Variants in BCAS3 observed in about 807,000 individuals in gnomAD.
BCAS3 encodes BCAS3 microtubule associated cell migration factor.
In BCAS3, 53 loss-of-function variants were observed where a neutral mutation model predicts 116.1. The observed-to-expected ratio is 0.46, with a 90% CI of 0.37 to 0.57. BCAS3 has a LOEUF of 0.57. Among genes scored for constraint, BCAS3 ranks in the 20% least tolerant of loss-of-function variants. The pLI is 0.00. For missense variants in BCAS3, 917 were observed against 1,165.4 expected, an observed-to-expected ratio of 0.79 and a Z score of 3.10; for synonymous variants, 391 against 408.2, an observed-to-expected ratio of 0.96 and a Z score of 0.51.
chr17:61,316,471 G>A lies in BCAS3; in HGVS notation c.2426-51856G>A, dbSNP rs577737151. On this transcript the variant is annotated intron_variant, in intron 22 of 23. Coordinates refer to ENST00000407086, the MANE Select transcript of BCAS3 (RefSeq NM_017679.5). The surrounding 1 kb of genome is among the most constrained non-coding windows in gnomAD (Gnocchi z 5.8). The stretch of plus-strand genomic sequence containing the variant: ...GGTACTGGTCCCTGAGATGTCCCCG[G>A]ACATGCCCCTCACCCAGCACCTCTG... Among the ~76,000 whole-genome samples, 2 of 152,170 alleles carry A rather than the reference G, an allele frequency of 1.3e-5. No individual in the cohort carries two copies. The highest frequency in any genetic ancestry group is 1.3e-4 in the Admixed American group (2 of 15,290).
In BCAS3 at chr17:61,134,721, C is replaced by T. The variant is rs2076527362; in HGVS notation, c.2425+50157C>T. On this transcript the variant is annotated intron_variant, in intron 22 of 23. Coordinates refer to ENST00000407086, the MANE Select transcript of BCAS3 (RefSeq NM_017679.5). The surrounding 1 kb of genome is among the most constrained non-coding windows in gnomAD (Gnocchi z 4.6). ...TATATTTACAAACACCTCATTTAACCTTCAAAACAATCCTTTTTGACATCA... is the reference window on the plus strand; with the variant it reads ...TATATTTACAAACACCTCATTTAACTTTCAAAACAATCCTTTTTGACATCA... Among the ~76,000 whole-genome samples, 1 of 152,122 alleles carries T rather than the reference C, an allele frequency of 6.6e-6. No individual in the cohort carries two copies. Among genetic ancestry groups the T allele is most frequent in the African/African-American group, 2.4e-5 (1 of 41,440 alleles).
chr17:60,736,117 T>C (rs963518941), intron 5 of BCAS3, among the ~76,000 whole-genome samples: 1 of 152,130 alleles, frequency 6.6e-6, no homozygotes, highest in Non-Finnish European at 1.5e-5. Context: ...AGCTCACTGT[T>C]AACCTCAAAC....
intron 14 of BCAS3, among the ~76,000 whole-genome samples, chr17:60,979,248 T>C (rs1205820517): frequency 6.7e-6 from 1 of 150,356 alleles, no homozygotes; most frequent in Non-Finnish European, 1.5e-5. Context: ...CCTAGGTATT[T>C]TATTCTCTTT....
chr17:60,760,719 T>A (rs958596009), intron 6 of BCAS3, among the ~76,000 whole-genome samples: 15 of 152,130 alleles, frequency 9.9e-5, no homozygotes, highest in Admixed American at 9.2e-4. Context: ...TGGGGATTTT[T>A]GGACCTCTTA....
Position 61,241,386 on chromosome 17 carries a change from T to C in BCAS3, c.2426-126941T>C, listed in dbSNP as rs1157057643. Among the ~76,000 whole-genome samples the C allele has an allele frequency of 6.6e-6, 1 of 151,956 alleles. No individual in the cohort carries two copies. The highest frequency in any genetic ancestry group is 1.5e-5 in the Non-Finnish European group (1 of 68,008). ...CTTAGCCAACTGTTTATGCTAATGA[T>C]GAAAGAGAAGTCAAAGTAAATAAGC... On this transcript the variant is annotated intron_variant, in intron 22 of 23. Transcript: ENST00000407086. The surrounding 1 kb of genome is among the most constrained non-coding windows in gnomAD (Gnocchi z 4.6).
intron 22 of BCAS3, among the ~76,000 whole-genome samples, chr17:61,289,432 C>A (rs1353240886): frequency 6.6e-6 from 1 of 152,202 alleles, no homozygotes; most frequent in Non-Finnish European, 1.5e-5. Flanking sequence ...CCACTCTGTC[C>A]TCTGAGAGCA....
intron 14 of BCAS3, among the ~76,000 whole-genome samples, chr17:60,987,904 T>C (rs1041618636): frequency 1.3e-5 from 2 of 152,136 alleles, no homozygotes; most frequent in Non-Finnish European, 2.9e-5. Context: ...TCTTGTTCCA[T>C]ATCTTGGCAG....
intron 22 of BCAS3, among the ~76,000 whole-genome samples, chr17:61,090,679 A>G (rs756613997): frequency 2.5e-4 from 38 of 151,766 alleles, no homozygotes; most frequent in Non-Finnish European, 5.2e-4. Context: ...TTTTTTTGAG[A>G]TGGAGTCTCA....
Position 61,012,211 on chromosome 17 carries a change from C to T in BCAS3, c.1487-3540C>T, listed in dbSNP as rs932949661. 2.6e-5 allele frequency among the ~76,000 whole-genome samples: 4 copies of T among 151,966 alleles called. No homozygotes were observed. Among genetic ancestry groups the T allele is most frequent in the Non-Finnish European group, 5.9e-5 (4 of 67,960 alleles). On this transcript the variant is annotated intron_variant, in intron 15 of 23. Coordinates refer to ENST00000407086, the MANE Select transcript of BCAS3 (RefSeq NM_017679.5). The surrounding 1 kb of genome is among the most constrained non-coding windows in gnomAD (Gnocchi z 4.5). ...TACATTATGAACTCTTTGAAAGTCCCTTGGACTTACTCCTTCAGAATCTAG... is the reference window on the plus strand; with the variant it reads ...TACATTATGAACTCTTTGAAAGTCCTTTGGACTTACTCCTTCAGAATCTAG...
intron 11 of BCAS3, among the ~76,000 whole-genome samples, chr17:60,908,899 A>G (rs993796811): frequency 6.6e-6 from 1 of 152,066 alleles, no homozygotes; most frequent in African/African-American, 2.4e-5. Context: ...TGTGTTTTGT[A>G]TTCATTAACT....
intron 7 of BCAS3, among the ~76,000 whole-genome samples, chr17:60,862,380 T>C (rs576553836): frequency 3.9e-5 from 6 of 152,244 alleles, no homozygotes; most frequent in African/African-American, 1.4e-4. Flanking sequence ...TTCAGTAGGA[T>C]TGGTAGCAGC....
intron 22 of BCAS3, among the ~76,000 whole-genome samples, chr17:61,172,127 T>C (rs2078871715): frequency 6.6e-6 from 1 of 152,334 alleles, no homozygotes; most frequent in South Asian, 2.1e-4. Context: ...TAGAACTACA[T>C]GTAGAATTGG....
chr17:61,291,542 C>T (rs894676998), intron 22 of BCAS3, among the ~76,000 whole-genome samples: 7 of 152,054 alleles, frequency 4.6e-5, no homozygotes, highest in Admixed American at 2.0e-4. Context: ...TCATATTTGC[C>T]GGGAAAAAAA....
chr17:61,085,299 T>G (rs2072996804), intron 22 of BCAS3, among the ~76,000 whole-genome samples: 1 of 152,202 alleles, frequency 6.6e-6, no homozygotes, highest in African/African-American at 2.4e-5. Context: ...GGCAGGATTT[T>G]GTCCAAAAAT....
chr17:61,173,794 T>A (rs1454001722), intron 22 of BCAS3, among the ~76,000 whole-genome samples: 1 of 152,016 alleles, frequency 6.6e-6, no homozygotes, highest in South Asian at 2.1e-4. Flanking sequence ...AGATGGGGGA[T>A]GACTTGAGCC....
At position 61,372,390 on chromosome 17, in the gene BCAS3, C is replaced by G. The variant is rs553842103; in HGVS notation, c.2593+3896C>G. Among the ~76,000 whole-genome samples the G allele has an allele frequency of 9.2e-5, 14 of 152,336 alleles. No homozygotes were observed. In the South Asian group the frequency reaches 2.9e-3, roughly 32 times the overall value. ...GGCCCTGGTCTCTTCTCTCTCAGTA[C>G]CTGGCAATCTCTGCTTCCGTGTCTC... On this transcript the variant is annotated intron_variant, in intron 23 of 23. Transcript: ENST00000407086.
At chr17:60,921,103 G>A (rs910324813) in intron 12 of BCAS3, among the ~76,000 whole-genome samples, 2 of 152,040 alleles carry the variant, frequency 1.3e-5, no homozygotes, top group African/African-American at 2.4e-5. Flanking sequence ...CTACCAAAAA[G>A]AGACATGTAT....
At chr17:61,284,983 C>A (rs2051610229) in intron 22 of BCAS3, among the ~76,000 whole-genome samples, 1 of 152,192 alleles carries the variant, frequency 6.6e-6, no homozygotes. Flanking sequence ...CATCAAGGTT[C>A]TCTCCTGGTT....
At position 61,325,198 on chromosome 17, in the gene BCAS3, G is replaced by C. The variant is rs1000461811; in HGVS notation, c.2426-43129G>C. On this transcript the variant is annotated intron_variant, in intron 22 of 23. Coordinates refer to ENST00000407086, the MANE Select transcript of BCAS3 (RefSeq NM_017679.5). This position sits in a 1 kb window ranked among gnomAD's most constrained non-coding sequence, Gnocchi z 6.4. ...AGGACCACAGGCTGTTACACAGTTA[G>C]CATTTAACTTACATTATGAAGTGAC... 6.6e-6 allele frequency among the ~76,000 whole-genome samples: 1 copy of C among 152,188 alleles called. No individual in the cohort carries two copies. The highest frequency in any genetic ancestry group is 2.4e-5 in the African/African-American group (1 of 41,442).
Sources: allele counts gnomAD v4.1 joint callset (sites outside exome capture counted in the v4.1 genomes callset), GRCh38; gene constraint gnomAD v4.1.1; non-coding constraint Gnocchi (gnomAD v3.1); transcripts MANE v1.5; gene names NCBI Gene and HGNC (gene_info 2026-07-23, HGNC 2026-07-21).